The following ACACA variants were observed in gnomAD, a reference collection of about 807,000 sequenced individuals.
The protein encoded by ACACA is acetyl-CoA carboxylase 1.
A neutral mutation model predicts 296.1 loss-of-function variants in ACACA; 103 were observed. The ratio of observed to expected loss-of-function variants is 0.35; its 90% CI spans 0.30 to 0.41. ACACA has a LOEUF of 0.41. Among genes scored for constraint, ACACA ranks in the 10% least tolerant of loss-of-function variants. ACACA has a pLI of 1.00. For missense variants in ACACA, 1,554 were observed against 2,989.7 expected, an observed-to-expected ratio of 0.52 and a Z score of 11.20; for synonymous variants, 953 against 1,038.6, an observed-to-expected ratio of 0.92 and a Z score of 1.58.
chr17:37,394,209 CTTTTTCTTTTT>C (rs1227005239), intron 1 of ACACA, among the ~76,000 whole-genome samples: 2 of 151,076 alleles, frequency 1.3e-5, no homozygotes, highest in East Asian at 3.9e-4. Flanking sequence ...TGTTTCTTTT[CTTTTTCTTTTT>C]TTTTTTTTGA....
intron 3 of ACACA, among the ~76,000 whole-genome samples, chr17:37,319,498 T>C (rs879754491): frequency 1.2e-4 from 18 of 152,292 alleles, no homozygotes; most frequent in Non-Finnish European, 2.2e-4. Flanking sequence ...TATTTTCTAT[T>C]CTGCTTCTTT....
At chr17:37,111,141 A>T (rs998525607) in intron 52 of ACACA, among the ~76,000 whole-genome samples, 2 of 152,098 alleles carry the variant, frequency 1.3e-5, no homozygotes, top group African/African-American at 4.8e-5. Flanking sequence ...CTGCTTTTCT[A>T]TCCCATCTCT....
intron 48 of ACACA, among the ~76,000 whole-genome samples, chr17:37,123,349 T>A (rs1276757487): frequency 4.6e-5 from 7 of 152,190 alleles, no homozygotes; most frequent in African/African-American, 1.7e-4. Flanking sequence ...TATGTTTATT[T>A]AAAAAACTGT....
chr17:37,280,622 G>C (rs1473501211), intron 5 of ACACA, among the ~76,000 whole-genome samples: 1 of 151,830 alleles, frequency 6.6e-6, no homozygotes, highest in African/African-American at 2.4e-5. Flanking sequence ...TTGTGCACGG[G>C]GTTAAGAATA....
intron 1 of ACACA, chr17:37,388,548 C>A: frequency 8.5e-7 from 1 of 1,172,364 alleles, no homozygotes; most frequent in Non-Finnish European, 1.2e-6. Context: ...TCTGCCTCTG[C>A]CTCTGGGTTA....
At chr17:37,133,442 C>G (rs1336314761) in intron 45 of ACACA, among the ~76,000 whole-genome samples, 1 of 152,198 alleles carries the variant, frequency 6.6e-6, no homozygotes, top group Non-Finnish European at 1.5e-5. Flanking sequence ...GAAGCAGAAT[C>G]TGGGTTAGGA....
intron 1 of ACACA, among the ~76,000 whole-genome samples, chr17:37,378,506 A>C (rs2050104340): frequency 6.6e-6 from 1 of 152,114 alleles, no homozygotes. Context: ...TGAGCTTACG[A>C]GTTTGAGACT....
rs2146448637 is a variant in ACACA at position 37,274,405 on chromosome 17, G to A, written c.902-106C>T. 3 of 1,128,024 alleles carry A rather than the reference G, an allele frequency of 2.7e-6. 1 individual carries two copies. The South Asian group carries it at 3.8e-5, about 14-fold the overall frequency. 69.9% of individuals were successfully genotyped at this position (1,128,024 alleles called of 1,614,324 possible). Reference sequence around the variant, plus strand: ...CTATCATATTTACCCAAAACTGAGAGTGGATGGGAGAAAGAAGGATGCCAT... The same window carrying A: ...CTATCATATTTACCCAAAACTGAGAATGGATGGGAGAAAGAAGGATGCCAT... On this transcript the variant is annotated intron_variant, in intron 8 of 55. Transcript: ENST00000616317.
chr17:37,216,190 G>GTT (rs2078986415), intron 29 of ACACA, among the ~76,000 whole-genome samples: 1 of 69,796 alleles, frequency 1.4e-5, no homozygotes, highest in African/African-American at 1.1e-4. Flanking sequence ...ATACACACAC[G>GTT]TGTGTGTGTG....
chr17:37,252,468 A>G (rs1055174727), intron 15 of ACACA, among the ~76,000 whole-genome samples: 2 of 152,210 alleles, frequency 1.3e-5, no homozygotes, highest in Non-Finnish European at 2.9e-5. Flanking sequence ...TGGACCTCCA[A>G]ATTATATGAA....
intron 20 of ACACA, 92 bp downstream of exon 20, chr17:37,244,988 C>A: frequency 6.3e-7 from 1 of 1,577,706 alleles, no homozygotes. Context: ...AAAGAAAACA[C>A]TGGCAAACCA....
chr17:37,324,500 T>A (rs1291437215), intron 3 of ACACA, among the ~76,000 whole-genome samples: 1 of 148,730 alleles, frequency 6.7e-6, no homozygotes, highest in African/African-American at 2.5e-5. Flanking sequence ...AGAAACCCCA[T>A]CTCTACTAAA....
At position 37,181,193 on chromosome 17, in the gene ACACA, C is replaced by A. The variant is rs755273508; in HGVS notation, c.4932+8G>T. 6.2e-7 allele frequency: 1 copy of A among 1,614,096 alleles called. No homozygotes were observed. The highest frequency in any genetic ancestry group is 8.5e-7 in the Non-Finnish European group (1 of 1,179,960). The stretch of plus-strand genomic sequence containing the variant: ...GAACATGTCAGACCCTCCAGTTAGG[C>A]ATCTTACCTGCCGAAACATCTCTGG... On this transcript the variant is annotated splice_region_variant and intron_variant, in intron 40 of 55. Transcript: ENST00000616317.
At chr17:37,299,373 C>T (rs370532340) in intron 3 of ACACA, 29 of 1,613,624 alleles carry the variant, frequency 1.8e-5, no homozygotes, top group African/African-American at 8.0e-5. Flanking sequence ...CTTCAGATTT[C>T]GGCCTTGTAA....
chr17:37,321,466 G>C (rs367645252), intron 3 of ACACA, among the ~76,000 whole-genome samples: 5 of 152,054 alleles, frequency 3.3e-5, no homozygotes, highest in Non-Finnish European at 7.4e-5. Flanking sequence ...ACTACAAAAC[G>C]TGGCCGGGTG....
Position 37,379,432 on chromosome 17 carries a change from C to T in ACACA, c.38+26830G>A, listed in dbSNP as rs775269826. On this transcript the variant is annotated intron_variant, in intron 1 of 55. Transcript: ENST00000616317. ...GCAGGCACTAACTTTTAGTTGACATCCTTGAAGGCAGCCAGAACTCCGTAG... is the reference window on the plus strand; with the variant it reads ...GCAGGCACTAACTTTTAGTTGACATTCTTGAAGGCAGCCAGAACTCCGTAG... 4 of 1,569,398 alleles carry T rather than the reference C, an allele frequency of 2.5e-6. No homozygotes were observed. The South Asian group carries it at 4.7e-5, about 18-fold the overall frequency.
intron 1 of ACACA, among the ~76,000 whole-genome samples, chr17:37,341,987 G>T (rs2048389312): frequency 6.6e-6 from 1 of 151,968 alleles, no homozygotes; most frequent in Non-Finnish European, 1.5e-5. Flanking sequence ...TTTGGGGAAG[G>T]CTCATATAAT....
chr17:37,252,756 T>A (rs2081053718), intron 15 of ACACA, 130 bp downstream of exon 15: 1 of 1,223,782 alleles, frequency 8.2e-7, no homozygotes, highest in Non-Finnish European at 1.2e-6. Context: ...TTACACTGAC[T>A]CCTAGATTTT....
At chr17:37,261,815 G>A (rs908878893) in intron 11 of ACACA, among the ~76,000 whole-genome samples, 11 of 152,212 alleles carry the variant, frequency 7.2e-5, no homozygotes, top group African/African-American at 2.2e-4. Context: ...ATGGACCAAC[G>A]ATTGCTATGT....
Sources: gnomAD v4.1 joint callset for allele counts (sites outside exome capture counted in the v4.1 genomes callset) on GRCh38, gnomAD v4.1.1 for gene constraint, MANE v1.5 for transcripts, NCBI Gene and HGNC (gene_info 2026-07-23, HGNC 2026-07-21) for gene names.